Variants in BRD4 observed in about 807,000 individuals in gnomAD.
BRD4 encodes bromodomain-containing protein 4.
A neutral mutation model predicts 142.1 loss-of-function variants in BRD4; 16 were observed. That is an observed-to-expected ratio of 0.11 (90% CI 0.08 to 0.17). BRD4 has a LOEUF of 0.17. Ranked by LOEUF, BRD4 falls within the 10% of genes least tolerant of loss-of-function variation. BRD4 has a pLI of 1.00. For missense variants in BRD4, 1,424 were observed against 1,810.9 expected, an observed-to-expected ratio of 0.79 and a Z score of 3.88; for synonymous variants, 833 against 707.5, an observed-to-expected ratio of 1.18 and a Z score of -2.82.
chr19:15,328,280 T>TA (rs955446632), intron 1 of BRD4, among the ~76,000 whole-genome samples: 6 of 151,632 alleles, frequency 4.0e-5, no homozygotes, highest in Admixed American at 6.6e-5. Flanking sequence ...GTTCAATGTT[T>TA]AAAAAAAAAC....
intron 4 of BRD4, 99 bp from the exon 5 acceptor site, chr19:15,265,742 C>T (rs1389449923): frequency 3.1e-6 from 4 of 1,300,652 alleles, no homozygotes; most frequent in Non-Finnish European, 4.4e-6. Flanking sequence ...AACGCACATT[C>T]GCGTGTTGCA....
rs200713928 is a variant in BRD4 at position 15,257,098 on chromosome 19, C to T, written c.1417G>A (p.Val473Met). The T allele has an allele frequency of 6.2e-7, 1 of 1,608,648 alleles. No individual in the cohort carries two copies. The highest frequency in any genetic ancestry group is 2.2e-5 in the East Asian group (1 of 44,732). ...EPVVAVSSPAVPPPTKVVAPP... is the reference protein window; with the variant it reads ...EPVVAVSSPAMPPPTKVVAPP... Reference sequence around the variant, plus strand: ...GCCACAACCTTGGTGGGAGGGGGCACTGCCGGGGAGGACACGGCCACCACT... The same window carrying T: ...GCCACAACCTTGGTGGGAGGGGGCATTGCCGGGGAGGACACGGCCACCACT... The change falls in exon 8 of 20, where the codon GTG (valine) becomes ATG (methionine). Residue 473 changes from valine to methionine, a missense_variant. Physicochemically the swap from Val to Met is conservative, Grantham distance 21. This residue lies in a region of BRD4 where 90 missense variants were observed against 93.2 expected (regional missense o/e 0.97). Coordinates refer to ENST00000679869, the MANE Select transcript of BRD4 (RefSeq NM_001379291.1).
At chr19:15,255,696 C>A in intron 9 of BRD4, 104 bp from the exon 10 acceptor site, 2 of 1,372,498 alleles carry the variant, frequency 1.5e-6, no homozygotes, top group East Asian at 4.7e-5. Flanking sequence ...CCTTCCCATA[C>A]CCCCCACCCA....
intron 2 of BRD4, among the ~76,000 whole-genome samples, chr19:15,271,506 C>T (rs1210147042): frequency 6.6e-6 from 1 of 152,152 alleles, no homozygotes; most frequent in Non-Finnish European, 1.5e-5. Flanking sequence ...GCCTTCCCTC[C>T]AACCCCTAAG....
chr19:15,308,683 A>T (rs1196956175), intron 1 of BRD4, among the ~76,000 whole-genome samples: 2 of 152,000 alleles, frequency 1.3e-5, no homozygotes, highest in African/African-American at 2.4e-5. Flanking sequence ...ATAAATTTTT[A>T]AAAAGGGGGC....
At position 15,273,816 on chromosome 19, in the gene BRD4, CTT is replaced by C. The variant is rs920676613; in HGVS notation, c.-34-685_-34-684del. 9.2e-4 allele frequency among the ~76,000 whole-genome samples: 117 copies of C among 127,330 alleles called. 1 individual carries two copies. Among genetic ancestry groups the C allele is most frequent in the Middle Eastern group, 4.2e-3 (1 of 238 alleles). The allele number at this position is 127,330 out of a possible 152,430, so 83.5% of individuals were successfully genotyped here. A position where few individuals can be genotyped will look rare whatever the true frequency, so the allele number is the denominator to read the frequency against. ...GAATCCATACTAGACCTACCATTTT[CTT>C]TTTTTTTTTTTTTTTTCATCTCTAG... On this transcript the variant is annotated intron_variant, in intron 1 of 19. Coordinates refer to ENST00000679869, the MANE Select transcript of BRD4 (RefSeq NM_001379291.1).
rs2047204486 is a variant in BRD4 at position 15,237,673 on chromosome 19, ACTTTGGTTGGTGGCCTCACTCCCCGGC to A, written c.*677_*703del. 4.3e-6 allele frequency: 1 copy of A among 232,380 alleles called. No homozygotes were observed. The highest frequency in any genetic ancestry group is 8.5e-6 in the Non-Finnish European group (1 of 117,662). 14.4% of individuals were successfully genotyped at this position (232,380 alleles called of 1,614,324 possible). A position where few individuals can be genotyped will look rare whatever the true frequency, so the allele number is the denominator to read the frequency against. On this transcript the variant is annotated 3_prime_UTR_variant, in exon 20 of 20. Coordinates refer to ENST00000679869, the MANE Select transcript of BRD4 (RefSeq NM_001379291.1). Reference sequence around the variant, plus strand: ...CAGAAACACAGGTGGGAAGGAACTGACTTTGGTTGGTGGCCTCACTCCCCGGCCGAGGGCTACCCACGCAGGACAGTC... The same window carrying A: ...CAGAAACACAGGTGGGAAGGAACTGACGAGGGCTACCCACGCAGGACAGTC...
chr19:15,272,997 G>C lies in BRD4; in HGVS notation c.103C>G (p.Pro35Ala), dbSNP rs2047605830. The C allele has an allele frequency of 6.2e-7, 1 of 1,614,036 alleles. No individual in the cohort carries two copies. The highest frequency in any genetic ancestry group is 1.3e-5 in the African/African-American group (1 of 74,914). The change falls in exon 2 of 20, where the codon CCC (proline) becomes GCC (alanine). Residue 35 changes from proline (P) to alanine (A), a missense_variant. By Grantham distance (27) the Pro-to-Ala change is conservative. Around this residue, in one of 16 missense-constraint regions of BRD4, gnomAD observed 70 missense variants for 69.8 expected, o/e 1.00. Coordinates refer to ENST00000679869, the MANE Select transcript of BRD4 (RefSeq NM_001379291.1). ...QMSTTQAQAQ[P>A]QPANAASTNP... Reference sequence around the variant, plus strand: ...GTGCTGGCTGCGTTGGCTGGCTGGGGTTGGGCCTGGGCCTGTGTTGTAGAC... The same window carrying C: ...GTGCTGGCTGCGTTGGCTGGCTGGGCTTGGGCCTGGGCCTGTGTTGTAGAC...
At chr19:15,263,642 A>G in intron 6 of BRD4, 94 bp from the exon 7 acceptor site, 6 of 1,531,120 alleles carry the variant, frequency 3.9e-6, no homozygotes, top group Middle Eastern at 1.7e-4. Flanking sequence ...TAGAAGAGCA[A>G]GTTGGTTTCT....
intron 1 of BRD4, among the ~76,000 whole-genome samples, chr19:15,327,152 A>G (rs1002848713): frequency 6.6e-6 from 1 of 152,212 alleles, no homozygotes; most frequent in Non-Finnish European, 1.5e-5. Flanking sequence ...CATCAATGCC[A>G]TTAAAAAGTC....
chr19:15,250,759 C>T (rs1364480227), intron 11 of BRD4, among the ~76,000 whole-genome samples: 2 of 152,186 alleles, frequency 1.3e-5, no homozygotes, highest in African/African-American at 4.8e-5. Flanking sequence ...CAGATGTCAG[C>T]TATGTGACAA....
intron 7 of BRD4, among the ~76,000 whole-genome samples, chr19:15,260,492 A>G (rs928340259): frequency 6.6e-6 from 1 of 151,998 alleles, no homozygotes; most frequent in Non-Finnish European, 1.5e-5. Flanking sequence ...CTGCTCTGGA[A>G]CCCTCCACCA....
rs536122536 is a variant in BRD4 at position 15,246,311 on chromosome 19, G to T, written c.2159-1549C>A. Among the ~76,000 whole-genome samples the T allele has an allele frequency of 2.6e-5, 4 of 152,266 alleles. No individual in the cohort carries two copies. The East Asian group carries it at 7.7e-4, about 29-fold the overall frequency. ...GGAGGAGCGCTGGCTGCAGAGGTTG[G>T]CAGCCACAGGACCAGGGGGACCCTG... is the stretch of plus-strand genomic sequence containing the variant. On this transcript the variant is annotated intron_variant, in intron 11 of 19. Coordinates refer to ENST00000679869, the MANE Select transcript of BRD4 (RefSeq NM_001379291.1).
At chr19:15,247,397 A>AC (rs1272321675) in intron 11 of BRD4, 1 of 232,198 alleles carries the variant, frequency 4.3e-6, no homozygotes, top group Non-Finnish European at 8.5e-6. Context: ...GGCACCAAGC[A>AC]CAGGTGACAG....
intron 1 of BRD4, among the ~76,000 whole-genome samples, chr19:15,320,103 G>A (rs2048048906): frequency 6.6e-6 from 1 of 152,112 alleles, no homozygotes; most frequent in Non-Finnish European, 1.5e-5. Context: ...AGCATCTGTA[G>A]CATACTCAAG....
intron 1 of BRD4, among the ~76,000 whole-genome samples, chr19:15,293,299 G>T (rs2047798426): frequency 6.6e-6 from 1 of 152,124 alleles, no homozygotes; most frequent in Admixed American, 6.5e-5. Flanking sequence ...AGAAGTCCTA[G>T]GAGGGTGGCA....
intron 1 of BRD4, among the ~76,000 whole-genome samples, chr19:15,329,687 C>T (rs1208494281): frequency 6.6e-6 from 1 of 152,088 alleles, no homozygotes; most frequent in East Asian, 1.9e-4. Context: ...TGCAGTGAGC[C>T]GAGATCGCAC....
At chr19:15,296,907 A>G (rs976390306) in intron 1 of BRD4, among the ~76,000 whole-genome samples, 5 of 150,882 alleles carry the variant, frequency 3.3e-5, no homozygotes, top group South Asian at 4.2e-4. Flanking sequence ...CATGGAGAGT[A>G]GGCTCTGACG....
intron 1 of BRD4, among the ~76,000 whole-genome samples, chr19:15,292,542 G>A (rs1210816898): frequency 6.6e-6 from 1 of 152,114 alleles, no homozygotes; most frequent in Non-Finnish European, 1.5e-5. Flanking sequence ...ACTCTGGGAG[G>A]CCGAGGCGGG....
Sources: allele counts gnomAD v4.1 joint callset (sites outside exome capture counted in the v4.1 genomes callset), GRCh38; gene constraint gnomAD v4.1.1; regional missense constraint gnomAD v4.1.1; transcripts MANE v1.5; gene names NCBI Gene and HGNC (gene_info 2026-07-23, HGNC 2026-07-21).